Variants in MAP2K4 observed in about 807,000 individuals in gnomAD.
MAP2K4 encodes mitogen-activated protein kinase kinase 4.
In MAP2K4, 4 loss-of-function variants were observed where a neutral mutation model predicts 48.5. The observed-to-expected ratio is 0.08, with a 90% CI of 0.04 to 0.19. The LOEUF is 0.19. Ranked by LOEUF, MAP2K4 falls within the 10% of genes least tolerant of loss-of-function variation. MAP2K4 has a pLI of 1.00. For missense variants in MAP2K4, 258 were observed against 493.3 expected (o/e 0.52, Z 4.52); for synonymous variants, 166 against 173.1 (o/e 0.96, Z 0.32).
chr17:12,142,850 T>G lies in MAP2K4; in HGVS notation c.*1590T>G, dbSNP rs1973414309. 2 of 232,516 alleles carry G rather than the reference T, an allele frequency of 8.6e-6. No homozygotes were observed. Among genetic ancestry groups the G allele is most frequent in the African/African-American group, 4.4e-5 (2 of 45,272 alleles). 14.4% of individuals were successfully genotyped at this position (232,516 alleles called of 1,614,324 possible). A position where few individuals can be genotyped will look rare whatever the true frequency, so the allele number is the denominator to read the frequency against. On this transcript the variant is annotated 3_prime_UTR_variant, in exon 11 of 11. Transcript: ENST00000353533. ...TATGACAGTGAAGCAGCACTGTGAG[T>G]GGTTCAAGCACACTGGAATATAAAA...
chr17:12,075,210 C>T (rs1056625929), intron 2 of MAP2K4, among the ~76,000 whole-genome samples: 1 of 152,006 alleles, frequency 6.6e-6, no homozygotes, highest in Admixed American at 6.5e-5. Context: ...GGAAAAATCT[C>T]GAGGAGAGAA....
intron 7 of MAP2K4, among the ~76,000 whole-genome samples, chr17:12,114,520 C>T (rs556415185): frequency 2.0e-5 from 3 of 151,482 alleles, no homozygotes; most frequent in Non-Finnish European, 2.9e-5. Context: ...ATTTGTTTAT[C>T]GTGATAACTA....
intron 1 of MAP2K4, among the ~76,000 whole-genome samples, chr17:12,043,727 CAG>C (rs148871034): frequency 2.6e-5 from 4 of 152,154 alleles, no homozygotes; most frequent in East Asian, 3.9e-4. Context: ...AGTAAGGGGA[CAG>C]GGGAATAGCG....
chr17:12,143,196 CTG>C lies in MAP2K4; in HGVS notation c.*1938_*1939del. ...TTGCTCCCGGGGACTCAAGAGGAAT[CTG>C]TTTCTCTGCTGTCAACTTCCCATCT... is the stretch of plus-strand genomic sequence containing the variant. On this transcript the variant is annotated 3_prime_UTR_variant, in exon 11 of 11. Coordinates refer to ENST00000353533, the MANE Select transcript of MAP2K4 (RefSeq NM_003010.4). 1 of 233,136 alleles carries C rather than the reference CTG, an allele frequency of 4.3e-6. No homozygotes were observed. The highest frequency in any genetic ancestry group is 8.5e-6 in the Non-Finnish European group (1 of 117,716). The allele number at this position is 233,136 out of a possible 1,614,324, so 14.4% of individuals were successfully genotyped here. A position where few individuals can be genotyped will look rare whatever the true frequency, so the allele number is the denominator to read the frequency against.
intron 1 of MAP2K4, chr17:12,032,328 AT>A: frequency 8.1e-7 from 1 of 1,230,488 alleles, no homozygotes; most frequent in South Asian, 2.1e-5. Flanking sequence ...ATATTATGCT[AT>A]TTATTTTTTT....
chr17:12,113,074 G>A (rs1255169770), intron 6 of MAP2K4, 159 bp from the exon 7 acceptor site: 5 of 530,582 alleles, frequency 9.4e-6, no homozygotes, highest in African/African-American at 9.4e-5. Flanking sequence ...AATAATTATT[G>A]TATGTGATAA....
chr17:12,110,950 AT>A (rs1341428747), intron 6 of MAP2K4: 1 of 153,424 alleles, frequency 6.5e-6, no homozygotes, highest in Non-Finnish European at 1.4e-5. Context: ...ACATATTCAA[AT>A]GAAGCATTTG....
rs116849130 is a variant in MAP2K4, at chr17:12,071,966, T to C, written c.219-9390T>C. On this transcript the variant is annotated intron_variant, in intron 2 of 10. Transcript: ENST00000353533. ...TCCCTGGAAGTCTCATTTACTGTAT[T>C]TGGGTATATTCTGAAATGTTTAAAA... is the stretch of plus-strand genomic sequence containing the variant. Among the ~76,000 whole-genome samples, 279 of 152,264 alleles carry C rather than the reference T, an allele frequency of 1.8e-3. 4 individuals carry two copies. Among genetic ancestry groups the C allele is most frequent in the Non-Finnish European group, 1.7e-3 (115 of 68,016 alleles).
chr17:12,104,604 TC>T (rs1428517177), intron 4 of MAP2K4, among the ~76,000 whole-genome samples: 1 of 152,162 alleles, frequency 6.6e-6, no homozygotes, highest in Non-Finnish European at 1.5e-5. Context: ...CTGAGTTTGG[TC>T]TTTCCCTAAT....
chr17:12,083,249 C>T (rs149391391), intron 3 of MAP2K4, among the ~76,000 whole-genome samples: 13 of 152,294 alleles, frequency 8.5e-5, no homozygotes, highest in African/African-American at 3.1e-4. Context: ...AAAAGTTTTT[C>T]TCACTGATTA....
At chr17:12,137,623 T>C (rs1973246769) in intron 9 of MAP2K4, among the ~76,000 whole-genome samples, 1 of 151,772 alleles carries the variant, frequency 6.6e-6, no homozygotes, top group Non-Finnish European at 1.5e-5. Flanking sequence ...GATTGCAGAG[T>C]TAGAGGTTCT....
Position 12,081,693 on chromosome 17 carries a change from TTGG to T in MAP2K4, c.393+167_393+169del, listed in dbSNP as rs1971190143. Among the ~76,000 whole-genome samples the T allele has an allele frequency of 6.6e-6, 1 of 152,218 alleles. No individual in the cohort carries two copies. Among genetic ancestry groups the T allele is most frequent in the Non-Finnish European group, 1.5e-5 (1 of 68,040 alleles). On this transcript the variant is annotated intron_variant, in intron 3 of 10. Coordinates refer to ENST00000353533, the MANE Select transcript of MAP2K4 (RefSeq NM_003010.4). The surrounding 1 kb of genome is among the most constrained non-coding windows in gnomAD (Gnocchi z 4.2). ...GGGTGTTCTGTGTAGAGGTTTCTTA[TTGG>T]TGGCACATTTTCTATCTCTTTGGAA...
chr17:12,102,199 TGAGA>T (rs1193953328), intron 4 of MAP2K4, among the ~76,000 whole-genome samples: 1 of 152,114 alleles, frequency 6.6e-6, no homozygotes, highest in Non-Finnish European at 1.5e-5. Flanking sequence ...CCTAGTTTGC[TGAGA>T]GATTTTGTCA....
chr17:12,049,241 C>G (rs1202826928), intron 1 of MAP2K4, among the ~76,000 whole-genome samples: 2 of 152,198 alleles, frequency 1.3e-5, no homozygotes, highest in African/African-American at 2.4e-5. Context: ...CAGCTCCCCT[C>G]TCTGCGATGT....
In MAP2K4 at chr17:12,129,121, C is replaced by T; in HGVS notation, c.892-18C>T. The T allele has an allele frequency of 1.9e-6, 3 of 1,611,548 alleles. No individual in the cohort carries two copies. Among genetic ancestry groups the T allele is most frequent in the Non-Finnish European group, 2.5e-6 (3 of 1,179,036 alleles). On this transcript the variant is annotated intron_variant, in intron 8 of 10. Coordinates refer to ENST00000353533, the MANE Select transcript of MAP2K4 (RefSeq NM_003010.4). ...TGATGCCTGGTGTATTTTGCTCTTT[C>T]CTCTTTGTTCTCTTTAGTATGAGTT...
rs1295808707 is a variant in MAP2K4, at chr17:12,142,319, G to A, written c.*1059G>A. The A allele has an allele frequency of 1.3e-5, 3 of 233,280 alleles. No individual in the cohort carries two copies. In the East Asian group the frequency reaches 1.8e-4, roughly 14 times the overall value. 14.5% of individuals were successfully genotyped at this position (233,280 alleles called of 1,614,324 possible). ...GGCAGCAAAAGACCAAATCTCAGTT[G>A]TTTGCTTCTTGCCATCACTGGTCCA... On this transcript the variant is annotated 3_prime_UTR_variant, in exon 11 of 11. Coordinates refer to ENST00000353533, the MANE Select transcript of MAP2K4 (RefSeq NM_003010.4).
chr17:12,115,960 T>C, intron 7 of MAP2K4: 1 of 432,850 alleles, frequency 2.3e-6, no homozygotes, highest in Non-Finnish European at 4.4e-6. Context: ...GAGTGAACTC[T>C]TTTCTCGTTC....
intron 7 of MAP2K4, among the ~76,000 whole-genome samples, chr17:12,115,242 C>T (rs749569477): frequency 1.3e-5 from 2 of 152,182 alleles, no homozygotes; most frequent in African/African-American, 2.4e-5. Context: ...ACTCCATACC[C>T]TCATGTAGGT....
intron 7 of MAP2K4, among the ~76,000 whole-genome samples, chr17:12,123,187 G>A (rs769866342): frequency 6.6e-6 from 1 of 152,192 alleles, no homozygotes; most frequent in African/African-American, 2.4e-5. Context: ...TGTAAGGCCA[G>A]TGTTATTTCT....
Sources: gnomAD v4.1 joint callset for allele counts (sites outside exome capture counted in the v4.1 genomes callset) on GRCh38, gnomAD v4.1.1 for gene constraint, Gnocchi (gnomAD v3.1) non-coding constraint, MANE v1.5 for transcripts, NCBI Gene and HGNC (gene_info 2026-07-23, HGNC 2026-07-21) for gene names.